The following FTO variants were observed in gnomAD, a reference collection of about 807,000 sequenced individuals.
The protein encoded by FTO is FTO alpha-ketoglutarate dependent dioxygenase, also known as alpha-ketoglutarate-dependent dioxygenase FTO.
Under a neutral mutation model 63.9 loss-of-function variants are expected in FTO, and 47 were observed. The observed-to-expected ratio is 0.74, with a 90% confidence interval of 0.58 to 0.94. FTO has a LOEUF of 0.94. FTO is among the 40% of genes least tolerant of loss of function. The probability of loss-of-function intolerance (pLI) is 0.00; values close to 1 mark genes in which losing one functional copy is unlikely to be tolerated. For synonymous variants in FTO, 207 were observed against 224.4 expected (o/e 0.92, Z 0.69); for missense variants, 562 against 618.1 (o/e 0.91, Z 0.96).
intron 6 of FTO, among the ~76,000 whole-genome samples, chr16:53,884,600 G>T (rs2080948919): frequency 6.6e-6 from 1 of 152,124 alleles, no homozygotes; most frequent in South Asian, 2.1e-4. Context: ...AAATAAACTT[G>T]GTAGAAGAAA....
At chr16:53,839,353 G>C (rs1465726300) in intron 3 of FTO, among the ~76,000 whole-genome samples, 2 of 152,148 alleles carry the variant, frequency 1.3e-5, no homozygotes, top group African/African-American at 4.8e-5. Context: ...CATGGGGCAA[G>C]AGTAATCAGT....
intron 2 of FTO, among the ~76,000 whole-genome samples, chr16:53,815,636 GTTTTTTTTTTTT>G (rs556357629): frequency 2.4e-4 from 24 of 98,158 alleles, no homozygotes; most frequent in African/African-American, 8.1e-4. Context: ...TGACTTTCTT[GTTTTTTTTTTTT>G]TTTTTTTTTT....
chr16:53,782,735 G>A (rs4783819), intron 1 of FTO, among the ~76,000 whole-genome samples: 1 of 152,016 alleles, frequency 6.6e-6, no homozygotes, highest in African/African-American at 2.4e-5. Context: ...CCACTCACTT[G>A]TGTGTGTCTG....
At chr16:53,836,038 G>A (rs773179358) in intron 3 of FTO, among the ~76,000 whole-genome samples, 7 of 151,862 alleles carry the variant, frequency 4.6e-5, no homozygotes, top group Admixed American at 6.6e-5. Context: ...TTACAGGCGC[G>A]GGCCACCATG....
intron 3 of FTO, among the ~76,000 whole-genome samples, chr16:53,841,306 G>A (rs766646256): frequency 2.6e-5 from 4 of 151,268 alleles, no homozygotes; most frequent in Non-Finnish European, 5.9e-5. Context: ...TATAAAAAAT[G>A]TTTTTTTAAT....
chr16:53,898,399 G>A (rs1173111232), intron 7 of FTO, among the ~76,000 whole-genome samples: 1 of 152,096 alleles, frequency 6.6e-6, no homozygotes, highest in Non-Finnish European at 1.5e-5. Flanking sequence ...CTCTGACCAA[G>A]CACTCTCTCA....
rs1172607838 is a variant in FTO, at chr16:54,120,380, A to ATC, written c.*8465_*8466insTC. The ATC allele has an allele frequency of 6.6e-6, 1 of 152,236 alleles. No homozygotes were observed. Among genetic ancestry groups the ATC allele is most frequent in the Non-Finnish European group, 1.5e-5 (1 of 68,060 alleles). 9.4% of individuals were successfully genotyped at this position (152,236 alleles called of 1,614,324 possible). On this transcript the variant is annotated 3_prime_UTR_variant, in exon 9 of 9. Coordinates refer to ENST00000471389, the MANE Select transcript of FTO (RefSeq NM_001080432.3). ...ACTTGTTGATTCCTTCCGGAATGTCAGACTCTGCTAGCAACACAAGGTCCC... is the reference window on the plus strand; with the variant it reads ...ACTTGTTGATTCCTTCCGGAATGTCATCGACTCTGCTAGCAACACAAGGTCCC...
chr16:53,744,868 CT>C (rs911546908), intron 1 of FTO, among the ~76,000 whole-genome samples: 1 of 150,988 alleles, frequency 6.6e-6, no homozygotes, highest in African/African-American at 2.4e-5. Context: ...CTCCTACCGT[CT>C]TTGACCATAC....
At chr16:54,073,462 G>C (rs2085917171) in intron 8 of FTO, among the ~76,000 whole-genome samples, 1 of 152,052 alleles carries the variant, frequency 6.6e-6, no homozygotes, top group African/African-American at 2.4e-5. Context: ...TGGGTTTTCA[G>C]GAACGTGTGT....
At chr16:54,014,965 C>G (rs973656890) in intron 8 of FTO, among the ~76,000 whole-genome samples, 2 of 151,390 alleles carry the variant, frequency 1.3e-5, no homozygotes, top group Admixed American at 1.3e-4. Context: ...AAGCAATCCT[C>G]CTGCCTCAGC....
In FTO at chr16:53,852,101, C is replaced by CAAAAAAAAAAAAAAAAAAAAAAA. The variant is rs57004473; in HGVS notation, c.895+7822_895+7823insAAAAAAAAAAAAAAAAAAAAAAA. 3.1e-4 allele frequency among the ~76,000 whole-genome samples: 17 copies of CAAAAAAAAAAAAAAAAAAAAAAA among 54,432 alleles called. 1 individual carries two copies. The highest frequency in any genetic ancestry group is 8.3e-4 in the African/African-American group (14 of 16,914). The allele number at this position is 54,432 out of a possible 152,430, so 35.7% of individuals were successfully genotyped here. A position where few individuals can be genotyped will look rare whatever the true frequency, so the allele number is the denominator to read the frequency against. On this transcript the variant is annotated intron_variant, in intron 4 of 8. Transcript: ENST00000471389. ...CAAAACTCTGTCTCTACAAAAAATA[C>CAAAAAAAAAAAAAAAAAAAAAAA]AAAAAAAAAAAAAAAAAAAGCCAGG... is the stretch of plus-strand genomic sequence containing the variant.
chr16:53,835,654 T>G (rs2079268644), intron 3 of FTO, among the ~76,000 whole-genome samples: 1 of 152,192 alleles, frequency 6.6e-6, no homozygotes, highest in Non-Finnish European at 1.5e-5. Context: ...TTCACTCATT[T>G]TACTGTCATT....
chr16:53,918,332 G>A (rs962615009), intron 7 of FTO, among the ~76,000 whole-genome samples: 7 of 152,126 alleles, frequency 4.6e-5, no homozygotes, highest in Non-Finnish European at 4.4e-5. Context: ...CTATAAACCT[G>A]TACAGCATGT....
chr16:53,962,405 G>A (rs2083103210), intron 8 of FTO, among the ~76,000 whole-genome samples: 1 of 152,162 alleles, frequency 6.6e-6, no homozygotes, highest in African/African-American at 2.4e-5. Context: ...TCAATTACAG[G>A]GACATACATC....
At chr16:53,831,381 G>A (rs1164690755) in intron 3 of FTO, among the ~76,000 whole-genome samples, 1 of 151,938 alleles carries the variant, frequency 6.6e-6, no homozygotes, top group African/African-American at 2.4e-5. Flanking sequence ...ATTTTTGGGG[G>A]TGACCATCCA....
At chr16:53,791,145 A>G (rs983163619) in intron 1 of FTO, among the ~76,000 whole-genome samples, 1 of 152,208 alleles carries the variant, frequency 6.6e-6, no homozygotes, top group Non-Finnish European at 1.5e-5. Context: ...TAGTTTCAGC[A>G]GAATGGTAGT....
At position 54,117,684 on chromosome 16, in the gene FTO, T is replaced by C. The variant is rs1301999251; in HGVS notation, c.*5769T>C. On this transcript the variant is annotated 3_prime_UTR_variant, in exon 9 of 9. Coordinates refer to ENST00000471389, the MANE Select transcript of FTO (RefSeq NM_001080432.3). ...CGGATGGCATGGAACTTTTTATAAA[T>C]GAGATATTATGAAAAATGATGTTTT... 2.6e-5 allele frequency: 4 copies of C among 152,170 alleles called. No homozygotes were observed. In the East Asian group the frequency reaches 7.7e-4, roughly 29 times the overall value. The allele number at this position is 152,170 out of a possible 1,614,324, so 9.4% of individuals were successfully genotyped here. A position where few individuals can be genotyped will look rare whatever the true frequency, so the allele number is the denominator to read the frequency against.
chr16:53,989,005 G>T (rs2083737233), intron 8 of FTO, among the ~76,000 whole-genome samples: 1 of 152,114 alleles, frequency 6.6e-6, no homozygotes. Context: ...AATGAGGCAT[G>T]GTGCTCATGG....
chr16:53,999,804 T>A (rs1567507341), intron 8 of FTO: 1 of 152,216 alleles, frequency 6.6e-6, no homozygotes, highest in Admixed American at 6.5e-5. Flanking sequence ...AGGATATCAT[T>A]AATTTGCTAG....
Sources: gnomAD v4.1 joint callset for allele counts (sites outside exome capture counted in the v4.1 genomes callset) on GRCh38, gnomAD v4.1.1 for gene constraint, MANE v1.5 for transcripts, NCBI Gene and HGNC (gene_info 2026-07-23, HGNC 2026-07-21) for gene names.